The following UGT1A3 variants were observed in gnomAD, a reference collection of about 807,000 sequenced individuals.
The protein encoded by UGT1A3 is UDP-glucuronosyltransferase 1A3.
UGT1A3 carries 31 observed loss-of-function variants against 41.0 expected under a neutral mutation model. The ratio of observed to expected loss-of-function variants is 0.76; its 90% CI spans 0.57 to 1.02. The LOEUF (loss-of-function observed/expected upper bound fraction) is 1.02, where lower values mean the gene tolerates loss of function less well. UGT1A3 is among the 50% of genes least tolerant of loss of function. UGT1A3 has a pLI of 0.00. For missense variants in UGT1A3, 737 were observed against 671.0 expected (o/e 1.10, Z -1.09); for synonymous variants, 262 against 257.6 (o/e 1.02, Z -0.17).
chr2:233,756,342 A>G (rs1696188900), intron 1 of UGT1A3: 1 of 152,190 alleles, frequency 6.6e-6, no homozygotes, highest in Non-Finnish European at 1.5e-5. Flanking sequence ...TCATCTCTTG[A>G]TTACTTTTAC....
intron 1 of UGT1A3, chr2:233,747,813 A>T (rs1693784433): frequency 6.2e-7 from 1 of 1,613,434 alleles, no homozygotes; most frequent in African/African-American, 1.3e-5. Context: ...ACTAACGACC[A>T]ATTCAGACCA....
At chr2:233,743,509 G>C (rs199947040) in intron 1 of UGT1A3, 86 of 1,367,152 alleles carry the variant, frequency 6.3e-5, no homozygotes, top group East Asian at 2.3e-4. Context: ...GGGTGCAGAC[G>C]CTCTGCTTCT....
chr2:233,740,631 C>T (rs1198172888), intron 1 of UGT1A3: 3 of 151,760 alleles, frequency 2.0e-5, no homozygotes, highest in Admixed American at 2.0e-4. Flanking sequence ...CAGGGTCATG[C>T]CTTTCCTTGC....
chr2:233,738,197 T>A (rs1427013274), intron 1 of UGT1A3, among the ~76,000 whole-genome samples: 18 of 152,174 alleles, frequency 1.2e-4, no homozygotes, highest in Admixed American at 1.2e-3. Flanking sequence ...TGCCTCTCTC[T>A]CACTTTCTGC....
In UGT1A3 at chr2:233,767,146, T is replaced by A. The variant is rs372326047; in HGVS notation, c.980T>A (p.Leu327Ter). 2 of 1,614,014 alleles carry A rather than the reference T, an allele frequency of 1.2e-6. No homozygotes were observed. The highest frequency in any genetic ancestry group is 2.7e-5 in the African/African-American group (2 of 74,934). ...AAAGCTATGGCAATTGCTGATGCTT[T>A]GGGCAAAATCCCTCAGACAGTAAGA... Reference protein sequence around the residue: ...EKKAMAIADALGKIPQTVLWR... With the variant: ...EKKAMAIADA The change falls in exon 2 of 5, where the codon TTG becomes TAG. Residue 327 changes from leucine to a stop codon, truncating the protein, a stop_gained. Transcript: ENST00000482026. LOFTEE classifies it high-confidence loss of function.
At chr2:233,761,529 T>C (rs1208884408) in intron 1 of UGT1A3, among the ~76,000 whole-genome samples, 1 of 152,248 alleles carries the variant, frequency 6.6e-6, no homozygotes, top group Non-Finnish European at 1.5e-5. Flanking sequence ...TCAGGACTGA[T>C]GAAATCATTC....
intron 1 of UGT1A3, among the ~76,000 whole-genome samples, chr2:233,732,853 A>C (rs1238557082): frequency 6.7e-6 from 1 of 149,098 alleles, no homozygotes; most frequent in Non-Finnish European, 1.5e-5. Context: ...TTGTGAAGTC[A>C]TTGGTAGCTT....
chr2:233,757,567 T>TATATATATATATATATA (rs1553619947), intron 1 of UGT1A3, among the ~76,000 whole-genome samples: 5 of 142,918 alleles, frequency 3.5e-5, no homozygotes, highest in Non-Finnish European at 7.6e-5. Context: ...TATATGTATA[T>TATATATATATATATATA]ATGATATAGC....
At position 233,743,458 on chromosome 2, in the gene UGT1A3, A is replaced by C. The variant is rs61736688; in HGVS notation, c.867+13465A>C. On this transcript the variant is annotated intron_variant, in intron 1 of 4. Transcript: ENST00000482026. ...AAATCCTGTATCAAAAGAAGAAAAA[A>C]CACCCCCAAAAGCTGGAAATTCACT... 785 of 1,366,068 alleles carry C rather than the reference A, an allele frequency of 5.7e-4. 6 individuals are homozygous for C. In the Admixed American group the frequency reaches 0.012, roughly 22 times the overall value. 84.6% of individuals were successfully genotyped at this position (1,366,068 alleles called of 1,614,324 possible).
In UGT1A3 at chr2:233,772,290, A is replaced by G; in HGVS notation, c.1336A>G (p.Ser446Gly). The part of the protein sequence containing the change: ...SYKENIMRLS[S>G]LHKDRPVEPL... Reference sequence around the variant, plus strand: ...CAAGGAGAACATCATGCGCCTCTCCAGCCTTCACAAGGACCGCCCGGTGGA... The same window carrying G: ...CAAGGAGAACATCATGCGCCTCTCCGGCCTTCACAAGGACCGCCCGGTGGA... The change falls in exon 5 of 5, where the codon AGC (serine) becomes GGC (glycine). Residue 446 changes from serine (S) to glycine (G), a missense_variant. Ser to Gly is a moderately conservative substitution (Grantham distance 56). Coordinates refer to ENST00000482026, the MANE Select transcript of UGT1A3 (RefSeq NM_019093.4). The G allele has an allele frequency of 6.2e-7, 1 of 1,614,260 alleles. No individual in the cohort carries two copies. Among genetic ancestry groups the G allele is most frequent in the Non-Finnish European group, 8.5e-7 (1 of 1,180,044 alleles).
rs1033838664 is a variant in UGT1A3 at position 233,759,586 on chromosome 2, C to T, written c.868-7448C>T. On this transcript the variant is annotated intron_variant, in intron 1 of 4. Transcript: ENST00000482026. ...TCTGGTCATTCTCTACCCCAGCACG[C>T]CCCCCACCCCCGACCCGCCCCACCC... is the stretch of plus-strand genomic sequence containing the variant. 1.1e-4 allele frequency among the ~76,000 whole-genome samples: 16 copies of T among 147,554 alleles called. No homozygotes were observed. In the South Asian group the frequency reaches 2.0e-3, roughly 18 times the overall value.
intron 1 of UGT1A3, chr2:233,747,094 A>T: frequency 7.8e-7 from 1 of 1,281,688 alleles, no homozygotes; most frequent in Non-Finnish European, 1.1e-6. Flanking sequence ...AGAGCACTCT[A>T]TCTTCCAATT....
At chr2:233,746,083 T>C (rs1367851746) in intron 1 of UGT1A3, among the ~76,000 whole-genome samples, 2 of 151,832 alleles carry the variant, frequency 1.3e-5, no homozygotes, top group Admixed American at 1.3e-4. Flanking sequence ...GAGTCACTTC[T>C]ATACAGAAAC....
chr2:233,768,023 G>A, intron 3 of UGT1A3, 87 bp downstream of exon 3: 1 of 1,613,460 alleles, frequency 6.2e-7, no homozygotes, highest in Non-Finnish European at 8.5e-7. Flanking sequence ...GGATTGTTGA[G>A]CTTGAAAATA....
rs59292838 is a variant in UGT1A3, at chr2:233,748,466, A to G, written c.867+18473A>G. On this transcript the variant is annotated intron_variant, in intron 1 of 4. Transcript: ENST00000482026. ...ACAATTTTCAGGGGAAAGATGATGC[A>G]ACAGCAAATTACAATTGTTAATGTG... is the stretch of plus-strand genomic sequence containing the variant. Among the ~76,000 whole-genome samples, 894 of 151,982 alleles carry G rather than the reference A, an allele frequency of 5.9e-3. 32 individuals carry two copies. The highest frequency in any genetic ancestry group is 0.021 in the African/African-American group (860 of 41,252).
At chr2:233,747,961 G>A (rs529720964) in intron 1 of UGT1A3, 1 of 1,613,428 alleles carries the variant, frequency 6.2e-7, no homozygotes, top group South Asian at 1.1e-5. Context: ...GATCTTCTCA[G>A]CCATGCATCT....
chr2:233,729,198 C>T lies in UGT1A3; in HGVS notation c.72C>T (p.Pro24=), dbSNP rs2077812796. The T allele has an allele frequency of 6.2e-6, 10 of 1,614,028 alleles. No individual in the cohort carries two copies. The highest frequency in any genetic ancestry group is 8.5e-6 in the Non-Finnish European group (10 of 1,179,920). The part of the protein sequence containing the change: ...TGLLLLLSVQ[P]WAESGKVLVV... ...TGCTGCTTCTCCTCAGTGTCCAGCC[C>T]TGGGCTGAGAGTGGAAAGGTGTTGG... Residue 24 remains proline, a synonymous_variant, in exon 1 of 5, where the codon CCC becomes CCT. Transcript: ENST00000482026.
chr2:233,768,064 A>G, intron 3 of UGT1A3, 128 bp downstream of exon 3: 1 of 1,598,982 alleles, frequency 6.3e-7, no homozygotes, highest in Non-Finnish European at 8.5e-7. Flanking sequence ...ATTGCTTTTT[A>G]TCTAGTGGGG....
Position 233,743,652 on chromosome 2 carries a change from A to ACTCGAAGGGGTC in UGT1A3, c.867+13669_867+13680dup, listed in dbSNP as rs1188916157. On this transcript the variant is annotated intron_variant, in intron 1 of 4. Transcript: ENST00000482026. The stretch of plus-strand genomic sequence containing the variant: ...GCTGGGTCGCGGAAGCTGAAGACGT[A>ACTCGAAGGGGTC]CTCGAAGGGGTCCTCGAAGGGCCTG... 5.9e-6 allele frequency: 8 copies of ACTCGAAGGGGTC among 1,367,190 alleles called. No homozygotes were observed. The South Asian group carries it at 9.1e-5, about 16-fold the overall frequency. The allele number at this position is 1,367,190 out of a possible 1,614,324, so 84.7% of individuals were successfully genotyped here. A position where few individuals can be genotyped will look rare whatever the true frequency, so the allele number is the denominator to read the frequency against.
Sources: gnomAD v4.1 joint callset for allele counts (sites outside exome capture counted in the v4.1 genomes callset) on GRCh38, gnomAD v4.1.1 for gene constraint, MANE v1.5 for transcripts, NCBI Gene and HGNC (gene_info 2026-07-23, HGNC 2026-07-21) for gene names.